The following IFT172 variants were observed in gnomAD, a reference collection of about 807,000 sequenced individuals.
IFT172 encodes intraflagellar transport protein 172 homolog.
Under a neutral mutation model 248.9 loss-of-function variants are expected in IFT172, and 164 were observed. The observed-to-expected ratio is 0.66, with a 90% CI of 0.58 to 0.75. IFT172 has a LOEUF of 0.75. IFT172 is among the 30% of genes least tolerant of loss of function. The probability of loss-of-function intolerance (pLI) is 0.00; values close to 1 mark genes in which losing one functional copy is unlikely to be tolerated. For missense variants in IFT172, 1,950 were observed against 2,192.4 expected, an observed-to-expected ratio of 0.89 and a Z score of 2.21; for synonymous variants, 729 against 791.6, an observed-to-expected ratio of 0.92 and a Z score of 1.33.
intron 25 of IFT172, 95 bp from the exon 26 acceptor site, chr2:27,458,963 A>G (rs879233380): frequency 8.2e-7 from 1 of 1,224,148 alleles, no homozygotes; most frequent in South Asian, 1.4e-5. Flanking sequence ...GATGGTGGAG[A>G]GCCTGCGATA....
rs1210994251 is a variant in IFT172, at chr2:27,449,288, C to G, written c.4311+6G>C. ...AGAAAAACTGGGAATGGGAAGAGAG[C>G]AGTACCTGCTTGGTAGCTGTTTCAA... is the stretch of plus-strand genomic sequence containing the variant. On this transcript the variant is annotated splice_donor_region_variant and intron_variant, in intron 39 of 47. Coordinates refer to ENST00000260570, the MANE Select transcript of IFT172 (RefSeq NM_015662.3). 1 of 1,613,954 alleles carries G rather than the reference C, an allele frequency of 6.2e-7. No homozygotes were observed. Among genetic ancestry groups the G allele is most frequent in the Non-Finnish European group, 8.5e-7 (1 of 1,180,010 alleles).
chr2:27,483,378 TA>T lies in IFT172; in HGVS notation c.483-3del. On this transcript the variant is annotated splice_region_variant and splice_polypyrimidine_tract_variant and intron_variant, in intron 6 of 47. Transcript: ENST00000260570. ...GAGAGAATTCCTTTCCCAGAGCAAC[TA>T]AAAAAGGAGAAAGGAGAGAAATACA... 1.9e-6 allele frequency: 3 copies of T among 1,587,858 alleles called. No homozygotes were observed. Among genetic ancestry groups the T allele is most frequent in the Non-Finnish European group, 2.6e-6 (3 of 1,156,946 alleles).
At chr2:27,484,332 C>T in intron 3 of IFT172, 66 bp from the exon 4 acceptor site, 1 of 1,570,638 alleles carries the variant, frequency 6.4e-7, no homozygotes, top group East Asian at 2.3e-5. Context: ...TGGCTCATGC[C>T]TGTAATCCCA....
chr2:27,449,417 G>A (rs567136887), intron 38 of IFT172, 37 bp from the exon 39 acceptor site: 1 of 1,614,116 alleles, frequency 6.2e-7, no homozygotes, highest in African/African-American at 1.3e-5. Context: ...AGAGAAAAGA[G>A]ATGACATGAG....
At chr2:27,476,833 T>A in intron 13 of IFT172, 107 bp from the exon 14 acceptor site, 1 of 688,308 alleles carries the variant, frequency 1.5e-6, no homozygotes, top group East Asian at 2.7e-5. Flanking sequence ...ATTTATTTAT[T>A]TATTTTGAGA....
chr2:27,458,798 C>A lies in IFT172; in HGVS notation c.2858G>T (p.Arg953Leu). ...DAIDMYTQAG[R>L]WEQAHKLAMK... is the part of the protein sequence containing the mutation. ...CCCTACCTTGTGGGCTTGTTCCCAACGACCAGCCTGGGTGTACATGTCTAT... is the reference window on the plus strand; with the variant it reads ...CCCTACCTTGTGGGCTTGTTCCCAAAGACCAGCCTGGGTGTACATGTCTAT... The change falls in exon 26 of 48, where the codon CGT becomes CTT. Residue 953 changes from arginine (R) to leucine (L), a missense_variant. By Grantham distance (102) the Arg-to-Leu change is moderately radical (BLOSUM62 -2). Around this residue, in one of 3 missense-constraint regions of IFT172, gnomAD observed 1,166 missense variants for 1,254.1 expected, o/e 0.93. Coordinates refer to ENST00000260570, the MANE Select transcript of IFT172 (RefSeq NM_015662.3). 1 of 1,614,138 alleles carries A rather than the reference C, an allele frequency of 6.2e-7. No homozygotes were observed. Among genetic ancestry groups the A allele is most frequent in the Non-Finnish European group, 8.5e-7 (1 of 1,180,016 alleles).
chr2:27,449,285 G>C lies in IFT172; in HGVS notation c.4311+9C>G, dbSNP rs762924993. ...TAAAGAAAAACTGGGAATGGGAAGAGAGCAGTACCTGCTTGGTAGCTGTTT... is the reference window on the plus strand; with the variant it reads ...TAAAGAAAAACTGGGAATGGGAAGACAGCAGTACCTGCTTGGTAGCTGTTT... On this transcript the variant is annotated intron_variant, in intron 39 of 47. Transcript: ENST00000260570. The C allele has an allele frequency of 5.0e-6, 8 of 1,613,984 alleles. No homozygotes were observed. Among genetic ancestry groups the C allele is most frequent in the Non-Finnish European group, 6.8e-6 (8 of 1,180,014 alleles).
chr2:27,446,017 G>A (rs761437797), intron 43 of IFT172, 29 bp from the exon 44 acceptor site: 29 of 1,613,592 alleles, frequency 1.8e-5, no homozygotes, highest in Non-Finnish European at 7.6e-6. Context: ...GCAAATGGGA[G>A]TGAACAAGCT....
Position 27,445,845 on chromosome 2 carries a change from T to C in IFT172, c.4816-2A>G, listed in dbSNP as rs781749467. ...ATCTAGAGTCCCTTCCTCGATTGCC[T>C]GCAGTAGAGTGGGCAACCATGAACT... On this transcript the variant is annotated splice_acceptor_variant, in intron 44 of 47. Transcript: ENST00000260570. LOFTEE classifies it high-confidence loss of function. This position sits in a 1 kb window ranked among gnomAD's most constrained non-coding sequence, Gnocchi z 4.4. 6.2e-7 allele frequency: 1 copy of C among 1,614,154 alleles called. No individual in the cohort carries two copies. Among genetic ancestry groups the C allele is most frequent in the Non-Finnish European group, 8.5e-7 (1 of 1,180,022 alleles).
rs1402936578 is a variant in IFT172 at position 27,454,636 on chromosome 2, G to A, written c.3396C>T (p.Leu1132=). The A allele has an allele frequency of 1.2e-6, 2 of 1,613,988 alleles. No homozygotes were observed. Among genetic ancestry groups the A allele is most frequent in the African/African-American group, 1.3e-5 (1 of 74,906 alleles). Residue 1132 remains leucine, a synonymous_variant, in exon 31 of 48, where the codon CTC becomes CTT. Coordinates refer to ENST00000260570, the MANE Select transcript of IFT172 (RefSeq NM_015662.3). The surrounding 1 kb of genome is among the most constrained non-coding windows in gnomAD (Gnocchi z 4.2). ...DNCSFEFAFE[L]SRLALKHKTP... is the part of the protein sequence containing the mutation. ...TTTTGTGCTTGAGGGCCAGCCGAGA[G>A]AGTTCAAACGCAAATTCAAAGGAGC...
chr2:27,477,070 T>C (rs1331195863), intron 13 of IFT172, 147 bp downstream of exon 13: 1 of 722,364 alleles, frequency 1.4e-6, no homozygotes, highest in Non-Finnish European at 2.4e-6. Flanking sequence ...AGTAATCTGC[T>C]TGCCTCCTCC....
intron 16 of IFT172, among the ~76,000 whole-genome samples, chr2:27,468,159 C>CAA (rs11284567): frequency 1.4e-4 from 17 of 122,954 alleles, no homozygotes; most frequent in African/African-American, 1.7e-4. Flanking sequence ...GACTCTGTCT[C>CAA]AAAAAAAAAA....
chr2:27,482,587 T>C (rs950373728), intron 7 of IFT172, among the ~76,000 whole-genome samples: 2 of 152,236 alleles, frequency 1.3e-5, no homozygotes, highest in African/African-American at 4.8e-5. Flanking sequence ...TAATTCTTAA[T>C]GTAAATGATT....
chr2:27,477,513 G>C, intron 12 of IFT172, 46 bp downstream of exon 12: 1 of 1,404,602 alleles, frequency 7.1e-7, no homozygotes, highest in Non-Finnish European at 1.0e-6. Context: ...ACAGAAGCTA[G>C]AAGGAGGCTT....
chr2:27,478,060 A>G lies in IFT172; in HGVS notation c.1102T>C (p.Tyr368His), dbSNP rs751763732. Residue 368 changes from tyrosine (Y) to histidine (H), a missense_variant, in exon 11 of 48, where the codon TAC (tyrosine) becomes CAC (histidine). Transcript: ENST00000260570. ...GTTTCTGATGTGTGAGCCACCAAGT[A>G]ACGTTCCTTTCCTAGGATTTTCACC... is the stretch of plus-strand genomic sequence containing the variant. ...EEVKILGKER[Y>H]LVAHTSETLL... 5 of 1,614,188 alleles carry G rather than the reference A, an allele frequency of 3.1e-6. No individual in the cohort carries two copies. The highest frequency in any genetic ancestry group is 4.2e-6 in the Non-Finnish European group (5 of 1,180,032).
rs776211213 is a variant in IFT172, at chr2:27,472,154, A to G, written c.1524+96T>C. On this transcript the variant is annotated intron_variant, in intron 15 of 47. Transcript: ENST00000260570. ...CCATGTTGATGACACAGCAAAGACAATGTGCTCCATCCTGCCTCCCTCAGT... is the reference window on the plus strand; with the variant it reads ...CCATGTTGATGACACAGCAAAGACAGTGTGCTCCATCCTGCCTCCCTCAGT... 13 of 833,444 alleles carry G rather than the reference A, an allele frequency of 1.6e-5. No individual in the cohort carries two copies. In the East Asian group the frequency reaches 3.1e-4, roughly 20 times the overall value. The allele number at this position is 833,444 out of a possible 1,614,324, so 51.6% of individuals were successfully genotyped here.
At chr2:27,450,917 T>C (rs1243543281) in intron 35 of IFT172, among the ~76,000 whole-genome samples, 1 of 151,820 alleles carries the variant, frequency 6.6e-6, no homozygotes, top group Non-Finnish European at 1.5e-5. Context: ...AGATATACTG[T>C]GTTAAATAAA....
intron 42 of IFT172, among the ~76,000 whole-genome samples, chr2:27,446,947 C>T (rs1665181765): frequency 6.6e-6 from 1 of 152,072 alleles, no homozygotes; most frequent in South Asian, 2.1e-4. Flanking sequence ...GATCCACCCG[C>T]CTCGGCCTCC....
intron 24 of IFT172, 54 bp downstream of exon 24, chr2:27,459,655 C>T (rs1470543734): frequency 6.2e-7 from 1 of 1,607,528 alleles, no homozygotes; most frequent in Non-Finnish European, 8.5e-7. Context: ...CTTACTTGCT[C>T]CACTGCCCCT....
Sources: gnomAD v4.1 joint callset for allele counts (sites outside exome capture counted in the v4.1 genomes callset) on GRCh38, gnomAD v4.1.1 for gene constraint, gnomAD v4.1.1 regional missense constraint, Gnocchi (gnomAD v3.1) non-coding constraint, MANE v1.5 for transcripts, NCBI Gene and HGNC (gene_info 2026-07-23, HGNC 2026-07-21) for gene names.